Variants in TUT4 observed in about 807,000 individuals in gnomAD.
TUT4 encodes terminal uridylyl transferase 4.
Under a neutral mutation model 192.2 loss-of-function variants are expected in TUT4, and 36 were observed. That is an observed-to-expected ratio of 0.19 (90% CI 0.14 to 0.25). The LOEUF is 0.25. Among genes scored for constraint, TUT4 ranks in the 10% least tolerant of loss-of-function variants. The pLI is 1.00. For synonymous variants in TUT4, 618 were observed against 666.0 expected, an observed-to-expected ratio of 0.93 and a Z score of 1.11; for missense variants, 1,493 against 1,957.2, an observed-to-expected ratio of 0.76 and a Z score of 4.47.
At chr1:52,453,586 A>T (rs1231992004) in intron 20 of TUT4, among the ~76,000 whole-genome samples, 1 of 152,114 alleles carries the variant, frequency 6.6e-6, no homozygotes, top group Non-Finnish European at 1.5e-5. Flanking sequence ...CAGCTTGTTA[A>T]ACAAATCTAC....
At chr1:52,463,634 T>G (rs541730875) in intron 16 of TUT4, 1 of 1,302,418 alleles carries the variant, frequency 7.7e-7, no homozygotes, top group South Asian at 1.2e-5. Flanking sequence ...TAAATAACAA[T>G]AGCTAGGCTG....
At chr1:52,425,266 C>T in intron 29 of TUT4, 83 bp downstream of exon 29, 1 of 1,478,006 alleles carries the variant, frequency 6.8e-7, no homozygotes, top group Non-Finnish European at 9.1e-7. Context: ...AATTTTCACT[C>T]CCAGATCCTG....
intron 12 of TUT4, 68 bp downstream of exon 12, chr1:52,477,640 A>C: frequency 7.0e-7 from 1 of 1,428,128 alleles, no homozygotes; most frequent in South Asian, 1.4e-5. Context: ...AGGATTATTA[A>C]CACTGAATTA....
chr1:52,505,164 C>T (rs1348630152), intron 4 of TUT4, among the ~76,000 whole-genome samples: 1 of 152,138 alleles, frequency 6.6e-6, no homozygotes, highest in Non-Finnish European at 1.5e-5. Flanking sequence ...TACTCTTTTC[C>T]ATGGCAGCTA....
intron 20 of TUT4, among the ~76,000 whole-genome samples, chr1:52,448,066 C>T (rs1462789049): frequency 6.6e-6 from 1 of 152,190 alleles, no homozygotes; most frequent in African/African-American, 2.4e-5. Flanking sequence ...TGGGTAAGGA[C>T]TATGGCTTAT....
chr1:52,541,962 T>A (rs1176649747), intron 1 of TUT4, among the ~76,000 whole-genome samples: 1 of 152,090 alleles, frequency 6.6e-6, no homozygotes, highest in African/African-American at 2.4e-5. Context: ...CACCAACAGA[T>A]GAATGGATAA....
chr1:52,508,437 C>T (rs1473337722), intron 4 of TUT4, among the ~76,000 whole-genome samples: 1 of 151,992 alleles, frequency 6.6e-6, no homozygotes, highest in Non-Finnish European at 1.5e-5. Flanking sequence ...ACCTAAACTA[C>T]TCCCTTGTCC....
At chr1:52,489,524 T>C (rs79152431) in intron 8 of TUT4, among the ~76,000 whole-genome samples, 1 of 152,346 alleles carries the variant, frequency 6.6e-6, no homozygotes, top group East Asian at 1.9e-4. Context: ...TACTAATATG[T>C]TATTTTCAGA....
At chr1:52,428,713 C>T (rs1371791308) in intron 28 of TUT4, among the ~76,000 whole-genome samples, 1 of 151,268 alleles carries the variant, frequency 6.6e-6, no homozygotes, top group African/African-American at 2.4e-5. Flanking sequence ...ATCACTTGAA[C>T]TCAGAAGGCG....
intron 11 of TUT4, 97 bp from the exon 12 acceptor site, chr1:52,477,979 A>C: frequency 8.5e-7 from 1 of 1,182,650 alleles, no homozygotes; most frequent in Admixed American, 2.7e-5. Flanking sequence ...CGTTTTCAAA[A>C]ACTGAGACAT....
At chr1:52,544,211 C>A (rs56304942) in intron 1 of TUT4, among the ~76,000 whole-genome samples, 1 of 151,260 alleles carries the variant, frequency 6.6e-6, no homozygotes, top group Non-Finnish European at 1.5e-5. Context: ...TGGCATGAAC[C>A]TGGGAGGCGG....
At chr1:52,428,045 T>C (rs1307001682) in intron 28 of TUT4, among the ~76,000 whole-genome samples, 1 of 152,028 alleles carries the variant, frequency 6.6e-6, no homozygotes, top group Non-Finnish European at 1.5e-5. Context: ...CTCCAGAATA[T>C]GGGAAATTCT....
intron 24 of TUT4, among the ~76,000 whole-genome samples, chr1:52,442,732 G>A (rs1258226111): frequency 6.6e-6 from 1 of 152,092 alleles, no homozygotes; most frequent in Admixed American, 6.5e-5. Context: ...TCCATCAAAA[G>A]AAAAGTTAGA....
intron 28 of TUT4, among the ~76,000 whole-genome samples, chr1:52,428,375 C>T (rs778222753): frequency 4.6e-5 from 7 of 151,842 alleles, no homozygotes; most frequent in Non-Finnish European, 7.4e-5. Context: ...ACCTGTAATC[C>T]CTGTACTTTG....
intron 4 of TUT4, 32 bp from the exon 5 acceptor site, chr1:52,497,215 CAAAA>C: frequency 6.5e-7 from 1 of 1,531,464 alleles, no homozygotes; most frequent in Non-Finnish European, 8.7e-7. Context: ...ACAATAAAAA[CAAAA>C]AAAGTTTCTA....
chr1:52,538,996 T>A (rs997358570), intron 1 of TUT4, among the ~76,000 whole-genome samples: 1 of 152,194 alleles, frequency 6.6e-6, no homozygotes, highest in Non-Finnish European at 1.5e-5. Flanking sequence ...CCACTAGTTA[T>A]ACAATTTGGA....
chr1:52,479,797 A>G (rs930840117), intron 11 of TUT4, among the ~76,000 whole-genome samples: 15 of 151,956 alleles, frequency 9.9e-5, no homozygotes, highest in African/African-American at 3.6e-4. Flanking sequence ...GATTGAGACC[A>G]TCCTGGCTAA....
chr1:52,462,883 G>T (rs1244523224), intron 16 of TUT4: 1 of 984,908 alleles, frequency 1.0e-6, no homozygotes, highest in Non-Finnish European at 1.2e-6. Context: ...ATAGCTGAAG[G>T]GTATAAACAT....
intron 1 of TUT4, among the ~76,000 whole-genome samples, chr1:52,531,463 C>T (rs1312205539): frequency 2.0e-5 from 3 of 152,144 alleles, no homozygotes; most frequent in Admixed American, 6.5e-5. Flanking sequence ...CAATCTGATT[C>T]GTGTCAGTCT....
Sources: gnomAD v4.1 joint callset for allele counts (sites outside exome capture counted in the v4.1 genomes callset) on GRCh38, gnomAD v4.1.1 for gene constraint, MANE v1.5 for transcripts, NCBI Gene and HGNC (gene_info 2026-07-23, HGNC 2026-07-21) for gene names.